IRF4: variants seen among roughly 807,000 people sequenced by gnomAD.
The protein encoded by IRF4 is interferon regulatory factor 4.
IRF4 carries 13 observed loss-of-function variants against 55.5 expected under a neutral mutation model. The ratio of observed to expected loss-of-function variants is 0.23; its 90% CI spans 0.15 to 0.37. IRF4 has a LOEUF of 0.37. IRF4 is among the 10% of genes least tolerant of loss of function. The pLI, the probability that IRF4 is intolerant of heterozygous loss-of-function variation, is 1.00. For missense variants in IRF4, 397 were observed against 593.8 expected, an observed-to-expected ratio of 0.67 and a Z score of 3.44; for synonymous variants, 249 against 240.7, an observed-to-expected ratio of 1.03 and a Z score of -0.32.
rs34553882 is a variant in IRF4, at chr6:393,837, G to GTC, written c.216+480_216+481dup. ...CTCTTTTCGCTGCTTTTCTCTCTGA[G>GTC]TCTCTCTCTCTCCATGTTTTTCCTG... On this transcript the variant is annotated intron_variant, in intron 2 of 8. Coordinates refer to ENST00000380956, the MANE Select transcript of IRF4 (RefSeq NM_002460.4). This position sits in a 1 kb window ranked among gnomAD's most constrained non-coding sequence, Gnocchi z 5.4. 6.6e-6 allele frequency among the ~76,000 whole-genome samples: 1 copy of GTC among 151,866 alleles called. No individual in the cohort carries two copies. Among genetic ancestry groups the GTC allele is most frequent in the Non-Finnish European group, 1.5e-5 (1 of 67,982 alleles).
Position 394,707 on chromosome 6 carries a change from A to C in IRF4, c.217-114A>C, listed in dbSNP as rs962415583. ...GAGTTCGATGCTGCGGTGAGCTATCATCGTGCCACTGTACTCTAGCCTGGG... is the reference window on the plus strand; with the variant it reads ...GAGTTCGATGCTGCGGTGAGCTATCCTCGTGCCACTGTACTCTAGCCTGGG... On this transcript the variant is annotated intron_variant, in intron 2 of 8. Coordinates refer to ENST00000380956, the MANE Select transcript of IRF4 (RefSeq NM_002460.4). 7 of 968,038 alleles carry C rather than the reference A, an allele frequency of 7.2e-6. No individual in the cohort carries two copies. In the Admixed American group the frequency reaches 1.6e-4, roughly 22 times the overall value. 60.0% of individuals were successfully genotyped at this position (968,038 alleles called of 1,614,324 possible).
chr6:393,007 C>G lies in IRF4; in HGVS notation c.-55-91C>G. The G allele has an allele frequency of 2.7e-6, 2 of 734,282 alleles. No homozygotes were observed. Among genetic ancestry groups the G allele is most frequent in the Non-Finnish European group, 4.3e-6 (2 of 466,314 alleles). 45.5% of individuals were successfully genotyped at this position (734,282 alleles called of 1,614,324 possible). A position where few individuals can be genotyped will look rare whatever the true frequency, so the allele number is the denominator to read the frequency against. ...CGCGCGCTTCGCAGCCTCAAAGACT[C>G]CGGGGCCTCGTGGTCACTGGCGCAG... On this transcript the variant is annotated intron_variant, in intron 1 of 8. Transcript: ENST00000380956. This position sits in a 1 kb window ranked among gnomAD's most constrained non-coding sequence, Gnocchi z 5.4.
chr6:391,924 G>A, intron 1 of IRF4, 115 bp downstream of exon 1: 1 of 443,242 alleles, frequency 2.3e-6, no homozygotes, highest in South Asian at 1.6e-5. Context: ...GCTTCGGAGC[G>A]GGAAGGGAGC....
chr6:395,294 AAAAAG>A (rs1447572102), intron 3 of IRF4, among the ~76,000 whole-genome samples: 3 of 152,176 alleles, frequency 2.0e-5, no homozygotes, highest in African/African-American at 4.8e-5. Flanking sequence ...AAAAAAAAGA[AAAAAG>A]AAAACTGGAT....
At position 393,045 on chromosome 6, in the gene IRF4, G is replaced by C. The variant is rs1381908921; in HGVS notation, c.-55-53G>C. ...GTCACTGGCGCAGGGGATCGGGGCG[G>C]GGTGCCCGGAGTGCGGTGCCTCGTG... On this transcript the variant is annotated intron_variant, in intron 1 of 8. Coordinates refer to ENST00000380956, the MANE Select transcript of IRF4 (RefSeq NM_002460.4). The surrounding 1 kb of genome is among the most constrained non-coding windows in gnomAD (Gnocchi z 5.4). 2.5e-5 allele frequency: 26 copies of C among 1,024,702 alleles called. 1 individual carries two copies. In the South Asian group the frequency reaches 3.9e-4, roughly 15 times the overall value. The allele number at this position is 1,024,702 out of a possible 1,614,324, so 63.5% of individuals were successfully genotyped here. A position where few individuals can be genotyped will look rare whatever the true frequency, so the allele number is the denominator to read the frequency against.
In IRF4 at chr6:397,200, C is replaced by T. The variant is rs1221825065; in HGVS notation, c.585C>T (p.Pro195=). The T allele has an allele frequency of 6.2e-7, 1 of 1,614,276 alleles. No individual in the cohort carries two copies. The highest frequency in any genetic ancestry group is 1.7e-5 in the Admixed American group (1 of 60,036). ...ACCCGGAAATCCCGTACCAATGTCC[C>T]ATGACGTTTGGACCCCGCGGCCACC... ...QPHPEIPYQC[P]MTFGPRGHHW... Residue 195 remains proline (P), a synonymous_variant, in exon 5 of 9, where the codon CCC becomes CCT. Transcript: ENST00000380956.
chr6:398,891 C>T lies in IRF4; in HGVS notation c.701C>T (p.Pro234Leu). 1 of 1,613,454 alleles carries T rather than the reference C, an allele frequency of 6.2e-7. No individual in the cohort carries two copies. The highest frequency in any genetic ancestry group is 8.5e-7 in the Non-Finnish European group (1 of 1,179,846). ...CCTGAGTCCCAGGCTCCCGGAGTCC[C>T]CACAGAGCCAAGCATAAGGTCTGCC... ...APPESQAPGV[P>L]TEPSIRSAEA... The change falls in exon 6 of 9, where the codon CCC (proline) becomes CTC (leucine). Residue 234 changes from proline (P) to leucine (L), a missense_variant. Transcript: ENST00000380956.
rs1486382269 is a variant in IRF4, at chr6:405,015, C to T, written c.1100-3C>T. The T allele has an allele frequency of 6.3e-7, 1 of 1,599,114 alleles. No homozygotes were observed. Among genetic ancestry groups the T allele is most frequent in the African/African-American group, 1.3e-5 (1 of 74,706 alleles). ...ATGGTCTCTTTCTTGTGGGCTTCTA[C>T]AGAGCTGCAAGCGTTTGCTCACCAC... On this transcript the variant is annotated splice_polypyrimidine_tract_variant and splice_region_variant and intron_variant, in intron 7 of 8. Transcript: ENST00000380956.
chr6:407,102 A>G lies in IRF4; in HGVS notation c.1213-353A>G, dbSNP rs1218089416. Among the ~76,000 whole-genome samples the G allele has an allele frequency of 3.9e-5, 6 of 152,218 alleles. No homozygotes were observed. In the East Asian group the frequency reaches 1.2e-3, roughly 29 times the overall value. On this transcript the variant is annotated intron_variant, in intron 8 of 8. Coordinates refer to ENST00000380956, the MANE Select transcript of IRF4 (RefSeq NM_002460.4). The stretch of plus-strand genomic sequence containing the variant: ...TTCAAACTGCAGTTGTGGAAAAACA[A>G]AATCATTGGCCTAAATTACCCTGCA...
intron 7 of IRF4, among the ~76,000 whole-genome samples, chr6:402,777 A>G (rs561963319): frequency 4.6e-5 from 7 of 152,346 alleles, no homozygotes; most frequent in African/African-American, 1.7e-4. Context: ...CATGCCTGTA[A>G]TCCCAGCACT....
chr6:400,812 AC>A (rs2127439550), intron 6 of IRF4, among the ~76,000 whole-genome samples: 1 of 152,204 alleles, frequency 6.6e-6, no homozygotes, highest in Non-Finnish European at 1.5e-5. Context: ...ACACACACAC[AC>A]ACATTTGCTT....
intron 5 of IRF4, among the ~76,000 whole-genome samples, chr6:398,471 A>G (rs1216877260): frequency 6.6e-6 from 1 of 152,264 alleles, no homozygotes; most frequent in Admixed American, 6.5e-5. Context: ...GCACAGACTC[A>G]AGTAGACCTG....
chr6:398,046 A>T (rs914071191), intron 5 of IRF4, among the ~76,000 whole-genome samples: 1 of 152,204 alleles, frequency 6.6e-6, no homozygotes, highest in African/African-American at 2.4e-5. Flanking sequence ...TAATGTTTGT[A>T]CTGAGTGGCA....
intron 7 of IRF4, among the ~76,000 whole-genome samples, chr6:402,977 T>A (rs1006349056): frequency 6.6e-6 from 1 of 152,194 alleles, no homozygotes; most frequent in African/African-American, 2.4e-5. Flanking sequence ...GAGGTTGCAG[T>A]GAGCTGAGAT....
chr6:401,835 G>A (rs760989628), intron 7 of IRF4, 58 bp downstream of exon 7: 4 of 1,512,166 alleles, frequency 2.6e-6, no homozygotes, highest in South Asian at 1.2e-5. Context: ...TGCCACAGGG[G>A]TCAGAAACCA....
At position 410,721 on chromosome 6, in the gene IRF4, TC is replaced by T. The variant is rs1761678874; in HGVS notation, c.*3125del. On this transcript the variant is annotated 3_prime_UTR_variant, in exon 9 of 9. Transcript: ENST00000380956. ...TAACAATTCAGATCCAGTGTAAACT[TC>T]CGTTCATTGCTCTCCAGTCACATGC... 4.3e-6 allele frequency: 1 copy of T among 231,748 alleles called. No individual in the cohort carries two copies. The highest frequency in any genetic ancestry group is 5.6e-5 in the Admixed American group (1 of 17,756). 14.4% of individuals were successfully genotyped at this position (231,748 alleles called of 1,614,324 possible).
rs1761241192 is a variant in IRF4, at chr6:395,926, C to A, written c.483C>A (p.Leu161=). ...CCATGACAACGCCTTACCCTTCGCT[C>A]CCAGCCCAGGTATGGTGGAGGGCAC... is the stretch of plus-strand genomic sequence containing the variant. ...PYTMTTPYPS[L]PAQQVHNYMM... The change falls in exon 4 of 9, where the codon CTC becomes CTA. Residue 161 remains leucine (L), a synonymous_variant. Coordinates refer to ENST00000380956, the MANE Select transcript of IRF4 (RefSeq NM_002460.4). The A allele has an allele frequency of 6.2e-7, 1 of 1,612,762 alleles. No homozygotes were observed. Among genetic ancestry groups the A allele is most frequent in the African/African-American group, 1.3e-5 (1 of 74,938 alleles).
chr6:406,192 TAAC>T (rs1761537881), intron 8 of IRF4, among the ~76,000 whole-genome samples: 1 of 152,350 alleles, frequency 6.6e-6, no homozygotes, highest in African/African-American at 2.4e-5. Flanking sequence ...GATACATTGT[TAAC>T]AACAGGAATT....
chr6:409,142 A>G lies in IRF4; in HGVS notation c.*1544A>G, dbSNP rs763379706. The G allele has an allele frequency of 8.0e-5, 17 of 211,668 alleles. No homozygotes were observed. The highest frequency in any genetic ancestry group is 1.6e-4 in the Non-Finnish European group (17 of 104,228). 13.1% of individuals were successfully genotyped at this position (211,668 alleles called of 1,614,324 possible). A position where few individuals can be genotyped will look rare whatever the true frequency, so the allele number is the denominator to read the frequency against. Reference sequence around the variant, plus strand: ...CTAATGGATATTTTAAATTCATTCAACAAGCACCTAGTAAGTGCCTGCTGT... The same window carrying G: ...CTAATGGATATTTTAAATTCATTCAGCAAGCACCTAGTAAGTGCCTGCTGT... On this transcript the variant is annotated 3_prime_UTR_variant, in exon 9 of 9. Transcript: ENST00000380956.
Sources: allele counts gnomAD v4.1 joint callset (sites outside exome capture counted in the v4.1 genomes callset), GRCh38; gene constraint gnomAD v4.1.1; non-coding constraint Gnocchi (gnomAD v3.1); transcripts MANE v1.5; gene names NCBI Gene and HGNC (gene_info 2026-07-23, HGNC 2026-07-21).